BMPR1A: variants seen among roughly 807,000 people sequenced by gnomAD.
BMPR1A encodes the protein bone morphogenetic protein receptor type-1A.
A neutral mutation model predicts 66.0 loss-of-function variants in BMPR1A; 7 were observed. That is an observed-to-expected ratio of 0.11 (90% CI 0.06 to 0.20). The LOEUF (loss-of-function observed/expected upper bound fraction) is 0.20. Among genes scored for constraint, BMPR1A ranks in the 10% least tolerant of loss-of-function variants. The probability of loss-of-function intolerance (pLI) is 1.00; values close to 1 mark genes in which losing one functional copy is unlikely to be tolerated. For missense variants in BMPR1A, 408 were observed against 669.1 expected, an observed-to-expected ratio of 0.61 and a Z score of 4.31; for synonymous variants, 200 against 229.7, an observed-to-expected ratio of 0.87 and a Z score of 1.17.
At chr10:86,844,032 G>A (rs1266293977) in intron 2 of BMPR1A, among the ~76,000 whole-genome samples, 1 of 152,202 alleles carries the variant, frequency 6.6e-6, no homozygotes, top group East Asian at 1.9e-4. Context: ...TTTTGAGCCT[G>A]GATGGTGGGG....
Position 86,926,207 on chromosome 10 carries a change from G to A in BMPR1A, c.*2488G>A, listed in dbSNP as rs1843740841. ...ATAACATGTTCTTTAAAAAGCAAAT[G>A]CTGCCGTCTTTGGAATCTTAATCTA... On this transcript the variant is annotated 3_prime_UTR_variant, in exon 13 of 13. Coordinates refer to ENST00000372037, the MANE Select transcript of BMPR1A (RefSeq NM_004329.3). 1 of 160,664 alleles carries A rather than the reference G, an allele frequency of 6.2e-6. No homozygotes were observed. The highest frequency in any genetic ancestry group is 2.4e-5 in the African/African-American group (1 of 41,736). The allele number at this position is 160,664 out of a possible 1,614,324, so 10.0% of individuals were successfully genotyped here.
chr10:86,788,409 A>T (rs995739292), intron 1 of BMPR1A, among the ~76,000 whole-genome samples: 17 of 152,168 alleles, frequency 1.1e-4, no homozygotes, highest in African/African-American at 3.9e-4. Flanking sequence ...TTCCCAAATG[A>T]TGCCCCCCAT....
In BMPR1A at chr10:86,924,508, A is replaced by G; in HGVS notation, c.*789A>G. ...TGTAAATTTGGACTGTTTTCCTTCA[A>G]CCACCATTTTTTTTGTGGTTATTAT... On this transcript the variant is annotated 3_prime_UTR_variant, in exon 13 of 13. Coordinates refer to ENST00000372037, the MANE Select transcript of BMPR1A (RefSeq NM_004329.3). 4.3e-6 allele frequency: 1 copy of G among 233,446 alleles called. No individual in the cohort carries two copies. The highest frequency in any genetic ancestry group is 6.0e-5 in the East Asian group (1 of 16,578). 14.5% of individuals were successfully genotyped at this position (233,446 alleles called of 1,614,324 possible).
intron 1 of BMPR1A, among the ~76,000 whole-genome samples, chr10:86,824,105 G>GTGTGTGTT (rs1554882223): frequency 1.1e-3 from 167 of 147,386 alleles, no homozygotes; most frequent in Non-Finnish European, 1.8e-3. Flanking sequence ...GTGTGTGTGT[G>GTGTGTGTT]TGTGTGTTTC....
At chr10:86,806,749 T>A (rs1361329054) in intron 1 of BMPR1A, among the ~76,000 whole-genome samples, 2 of 151,980 alleles carry the variant, frequency 1.3e-5, no homozygotes, top group Non-Finnish European at 2.9e-5. Flanking sequence ...AATGGGGGTT[T>A]CACCATGTTG....
rs1060504909 is a variant in BMPR1A at position 86,876,094 on chromosome 10, G to A, written c.67+9G>A. On this transcript the variant is annotated intron_variant, in intron 3 of 12. Coordinates refer to ENST00000372037, the MANE Select transcript of BMPR1A (RefSeq NM_004329.3). ...CATTTCTCGTGTTCAAGGTAAATCA[G>A]TGTTCATTTTAGTAATGTATGTGTG... 1.2e-6 allele frequency: 2 copies of A among 1,605,916 alleles called. No individual in the cohort carries two copies. Among genetic ancestry groups the A allele is most frequent in the East Asian group, 2.2e-5 (1 of 44,792 alleles).
At chr10:86,866,760 T>C (rs1180284034) in intron 2 of BMPR1A, among the ~76,000 whole-genome samples, 3 of 152,018 alleles carry the variant, frequency 2.0e-5, no homozygotes, top group African/African-American at 7.2e-5. Flanking sequence ...TAACTTCCAG[T>C]TTCCTGTTTA....
At chr10:86,886,430 G>GATGT (rs563580050) in intron 3 of BMPR1A, among the ~76,000 whole-genome samples, 5 of 152,232 alleles carry the variant, frequency 3.3e-5, no homozygotes, top group Non-Finnish European at 7.3e-5. Flanking sequence ...GTAGAGGCAT[G>GATGT]ATGTGATGGG....
intron 2 of BMPR1A, among the ~76,000 whole-genome samples, chr10:86,873,217 G>A (rs1338285777): frequency 6.6e-6 from 1 of 152,122 alleles, no homozygotes; most frequent in Non-Finnish European, 1.5e-5. Context: ...GCCCAAGACT[G>A]TGAGTTCCTT....
intron 2 of BMPR1A, among the ~76,000 whole-genome samples, chr10:86,864,312 C>T (rs751498246): frequency 6.6e-6 from 1 of 152,186 alleles, no homozygotes; most frequent in Non-Finnish European, 1.5e-5. Context: ...AAAAGTTATT[C>T]CACTAATTCC....
At chr10:86,855,966 G>C in intron 2 of BMPR1A, 1 of 626,918 alleles carries the variant, frequency 1.6e-6, no homozygotes, top group East Asian at 2.9e-5. Flanking sequence ...TTCTTTTCCA[G>C]AATGGCCACT....
chr10:86,906,228 G>GTATT (rs1364419071), intron 7 of BMPR1A, among the ~76,000 whole-genome samples: 1 of 152,076 alleles, frequency 6.6e-6, no homozygotes, highest in Non-Finnish European at 1.5e-5. Flanking sequence ...TATCTTTGAT[G>GTATT]TATTATATGT....
intron 1 of BMPR1A, among the ~76,000 whole-genome samples, chr10:86,826,411 A>AACACACACACACACACACAC (rs34389289): frequency 5.3e-4 from 78 of 147,094 alleles, no homozygotes; most frequent in African/African-American, 1.8e-3. Context: ...CAATCAAGGA[A>AACACACACACACACACACAC]ACACACACAC....
chr10:86,777,248 T>G (rs912821481), intron 1 of BMPR1A, among the ~76,000 whole-genome samples: 3 of 152,192 alleles, frequency 2.0e-5, no homozygotes, highest in African/African-American at 7.2e-5. Context: ...CAACTGTGCC[T>G]ACTCTACACT....
chr10:86,859,751 A>G (rs1842689091), intron 2 of BMPR1A, among the ~76,000 whole-genome samples: 1 of 152,154 alleles, frequency 6.6e-6, no homozygotes, highest in Non-Finnish European at 1.5e-5. Context: ...CGGAGGTTGC[A>G]GTGAGCCAAG....
intron 1 of BMPR1A, among the ~76,000 whole-genome samples, chr10:86,827,794 GT>G (rs1457640219): frequency 6.6e-6 from 1 of 152,046 alleles, no homozygotes; most frequent in Non-Finnish European, 1.5e-5. Flanking sequence ...ACCCATCTTT[GT>G]TTTTTCCTAG....
chr10:86,895,142 A>G (rs926553114), intron 5 of BMPR1A, among the ~76,000 whole-genome samples: 3 of 152,226 alleles, frequency 2.0e-5, no homozygotes, highest in African/African-American at 7.2e-5. Flanking sequence ...ATGGTTTTCA[A>G]TTGTTTGCTT....
chr10:86,893,354 A>T (rs1843180464), intron 5 of BMPR1A, among the ~76,000 whole-genome samples: 1 of 152,180 alleles, frequency 6.6e-6, no homozygotes, highest in Non-Finnish European at 1.5e-5. Context: ...TGGGTTATAA[A>T]CCTGATCTCT....
intron 7 of BMPR1A, among the ~76,000 whole-genome samples, chr10:86,911,154 C>CA (rs35449069): frequency 0.47 from 39,327 of 82,884 alleles, 8,501 homozygotes; most frequent in East Asian, 0.65. Context: ...GACCCTGTCT[C>CA]AAAAAAAAAA....
Sources: allele counts gnomAD v4.1 joint callset (sites outside exome capture counted in the v4.1 genomes callset), GRCh38; gene constraint gnomAD v4.1.1; transcripts MANE v1.5; gene names NCBI Gene and HGNC (gene_info 2026-07-23, HGNC 2026-07-21).